The following OR56B2 variants were observed in gnomAD, a reference collection of about 807,000 sequenced individuals.
OR56B2 encodes the protein olfactory receptor family 56 subfamily B member 2, also known as olfactory receptor 56B2.
At chr11:5,768,465 A>G in the OR56B2 span, among the ~76,000 whole-genome samples, 1 of 139,738 alleles carries the variant, frequency 7.2e-6, no homozygotes, top group African/African-American at 2.6e-5. Context: ...TTATCCAGTC[A>G]TCTGTTGATG....
chr11:5,768,983 G>T, the OR56B2 span, among the ~76,000 whole-genome samples: 7 of 138,698 alleles, frequency 5.0e-5, 2 homozygotes, highest in African/African-American at 1.8e-4. Context: ...CTACATTATA[G>T]AATTAGGTTC....
At chr11:5,763,101 T>A in the OR56B2 span, among the ~76,000 whole-genome samples, 13 of 152,156 alleles carry the variant, frequency 8.5e-5, no homozygotes, top group Non-Finnish European at 1.6e-4. Flanking sequence ...AAATGTAACC[T>A]GAGTCTCTTT....
the OR56B2 span, among the ~76,000 whole-genome samples, chr11:5,761,496 C>T: frequency 1.3e-5 from 2 of 152,002 alleles, no homozygotes; most frequent in African/African-American, 4.8e-5. Flanking sequence ...TATATTACCA[C>T]CAGCATTTTT....
chr11:5,764,108 TAAAAG>T, the OR56B2 span, among the ~76,000 whole-genome samples: 2 of 140,762 alleles, frequency 1.4e-5, 1 homozygote, highest in Non-Finnish European at 3.1e-5. Context: ...TTTAAATACT[TAAAAG>T]GAAAGAAGAA....
At chr11:5,762,793 G>A in the OR56B2 span, among the ~76,000 whole-genome samples, 28 of 151,830 alleles carry the variant, frequency 1.8e-4, no homozygotes, top group African/African-American at 6.8e-4. Context: ...GCCAGTTTTT[G>A]TTTACGTATT....
the OR56B2 span, among the ~76,000 whole-genome samples, chr11:5,762,196 C>T: frequency 1.4e-5 from 2 of 147,398 alleles, no homozygotes; most frequent in Non-Finnish European, 3.0e-5. Context: ...AAGATAGATG[C>T]CACATGTATT....
the OR56B2 span, chr11:5,764,964 G>A: frequency 1.4e-5 from 2 of 140,592 alleles, no homozygotes; most frequent in Non-Finnish European, 3.2e-5. Context: ...GATAATACAT[G>A]TCCAATAGAT....
the OR56B2 span, among the ~76,000 whole-genome samples, chr11:5,764,684 A>G: frequency 7.1e-6 from 1 of 139,984 alleles, no homozygotes; most frequent in Non-Finnish European, 1.6e-5. Flanking sequence ...CTCCATGCAT[A>G]AAAAACCACT....
the OR56B2 span, among the ~76,000 whole-genome samples, chr11:5,761,849 T>C: frequency 1.3e-5 from 2 of 152,154 alleles, no homozygotes; most frequent in African/African-American, 4.8e-5. Flanking sequence ...AATTATTATA[T>C]TTCATAGAAT....
At chr11:5,761,632 C>T in the OR56B2 span, among the ~76,000 whole-genome samples, 1 of 152,082 alleles carries the variant, frequency 6.6e-6, no homozygotes, top group Admixed American at 6.6e-5. Flanking sequence ...GACACTGTAA[C>T]TCTCCAGCTC....
At chr11:5,762,006 T>C in the OR56B2 span, among the ~76,000 whole-genome samples, 2 of 152,122 alleles carry the variant, frequency 1.3e-5, no homozygotes, top group Non-Finnish European at 2.9e-5. Flanking sequence ...ATACTAGAAT[T>C]GGAAAGACAG....
chr11:5,766,175 A>AACTGAC, the OR56B2 span: 1 of 140,966 alleles, frequency 7.1e-6, no homozygotes, highest in Non-Finnish European at 1.6e-5. Context: ...TGGTGGCAAC[A>AACTGAC]ACTGACACTT....
At chr11:5,763,028 C>T in the OR56B2 span, among the ~76,000 whole-genome samples, 197 of 151,978 alleles carry the variant, frequency 1.3e-3, 6 homozygotes, top group South Asian at 0.039. Flanking sequence ...TCTAAGAATA[C>T]CCGATTTATT....
chr11:5,766,919 T>G, the OR56B2 span: 1 of 139,886 alleles, frequency 7.1e-6, no homozygotes, highest in Non-Finnish European at 1.6e-5. Flanking sequence ...TACAAAAACC[T>G]GTACACAAAT....
At chr11:5,761,862 A>G in the OR56B2 span, among the ~76,000 whole-genome samples, 1 of 152,158 alleles carries the variant, frequency 6.6e-6, no homozygotes, top group African/African-American at 2.4e-5. Context: ...CATAGAATAG[A>G]ATCAAGAATC....
At chr11:5,762,298 T>C in the OR56B2 span, among the ~76,000 whole-genome samples, 9,173 of 152,170 alleles carry the variant, frequency 0.06, 335 homozygotes, top group African/African-American at 0.085. Flanking sequence ...TTAAACAATT[T>C]TTCTCTGGAG....
chr11:5,766,333 C>G, the OR56B2 span: 1 of 140,442 alleles, frequency 7.1e-6, no homozygotes, highest in Non-Finnish European at 1.6e-5. Flanking sequence ...ACCCACTTGT[C>G]TTAGCTAAAA....
the OR56B2 span, chr11:5,761,310 G>A: frequency 0.17 from 25,758 of 151,930 alleles, 2,339 homozygotes; most frequent in East Asian, 0.25. Flanking sequence ...CATATAGAAG[G>A]GTAAGCCTCA....
the OR56B2 span, among the ~76,000 whole-genome samples, chr11:5,761,553 A>G: frequency 2.6e-5 from 4 of 152,148 alleles, no homozygotes; most frequent in Non-Finnish European, 5.9e-5. Context: ...ATTTTATTTT[A>G]TTAGATACTT....
Sources: allele counts gnomAD v4.1 joint callset (sites outside exome capture counted in the v4.1 genomes callset), GRCh38; gene constraint gnomAD v4.1.1; transcripts MANE v1.5; gene names NCBI Gene and HGNC (gene_info 2026-07-23, HGNC 2026-07-21).